The following PRH1 variants were observed in gnomAD, a reference collection of about 807,000 sequenced individuals.
PRH1 encodes the protein proline rich protein HaeIII subfamily 1.
A neutral mutation model predicts 7.9 loss-of-function variants in PRH1; 7 were observed. That is an observed-to-expected ratio of 0.89 (90% confidence interval 0.50 to 1.67). The LOEUF is 1.67. Among genes scored for constraint, PRH1 ranks in the 40% most tolerant of loss-of-function variants. The pLI is 0.00. For synonymous variants in PRH1, 45 were observed against 80.8 expected (o/e 0.56, Z 2.38); for missense variants, 109 against 223.6 (o/e 0.49, Z 3.27).
At chr12:11,044,910 G>C (rs911864203) in intron 1 of PRH1, among the ~76,000 whole-genome samples, 1 of 152,034 alleles carries the variant, frequency 6.6e-6, no homozygotes, top group African/African-American at 2.4e-5. Context: ...TTTCTTAAAA[G>C]ACAAAAATTA....
chr12:10,881,253 A>C (rs1207583268), intron 3 of PRH1, among the ~76,000 whole-genome samples, 197 bp from the exon 4 acceptor site: 1 of 152,184 alleles, frequency 6.6e-6, no homozygotes, highest in Non-Finnish European at 1.5e-5. Context: ...ATGTGATTTA[A>C]AGTGTTGCTT....
intron 1 of PRH1, among the ~76,000 whole-genome samples, chr12:11,068,070 A>G (rs1482687457): frequency 6.6e-6 from 1 of 151,904 alleles, no homozygotes; most frequent in Non-Finnish European, 1.5e-5. Flanking sequence ...TATGGAGCAT[A>G]ATAAAACCTA....
chr12:10,993,632 A>C (rs115986816), intron 1 of PRH1, among the ~76,000 whole-genome samples: 374 of 152,274 alleles, frequency 2.5e-3, no homozygotes, highest in African/African-American at 8.7e-3. Context: ...TGTTGGGCCT[A>C]CTGGGATTTG....
At chr12:10,939,513 A>T (rs549786379) in intron 2 of PRH1, among the ~76,000 whole-genome samples, 25 of 150,554 alleles carry the variant, frequency 1.7e-4, no homozygotes, top group Non-Finnish European at 3.1e-4. Flanking sequence ...ATTTGTAAAC[A>T]TGCAAATAAG....
At chr12:11,021,158 C>A (rs796305387) in intron 1 of PRH1, among the ~76,000 whole-genome samples, 1,543 of 61,162 alleles carry the variant, frequency 0.025, no homozygotes, top group Admixed American at 0.035. Context: ...TATTTGCTTT[C>A]TACTAAGCAT....
At chr12:10,956,160 TA>T (rs150154693) in intron 2 of PRH1, among the ~76,000 whole-genome samples, 2 of 151,270 alleles carry the variant, frequency 1.3e-5, no homozygotes, top group African/African-American at 4.9e-5. Context: ...AACATAGATT[TA>T]AAAAAAACAC....
intron 1 of PRH1, among the ~76,000 whole-genome samples, chr12:11,129,997 C>A (rs74786893): frequency 0.21 from 32,095 of 151,712 alleles, 3,967 homozygotes; most frequent in Non-Finnish European, 0.27. Flanking sequence ...CAAAAAATAC[C>A]AAAATTAGCC....
chr12:10,923,935 T>C (rs1950087141), intron 2 of PRH1, among the ~76,000 whole-genome samples: 1 of 151,850 alleles, frequency 6.6e-6, no homozygotes, highest in South Asian at 2.1e-4. Context: ...CTCTTTTCAC[T>C]CTTTTTTTGC....
At chr12:11,091,115 C>CACACACACACATATATAT (rs751016037) in intron 1 of PRH1, among the ~76,000 whole-genome samples, 1 of 25,104 alleles carries the variant, frequency 4.0e-5, no homozygotes, top group African/African-American at 7.9e-5. Context: ...CACACACACA[C>CACACACACACATATATAT]ATATATATAT....
intron 1 of PRH1, among the ~76,000 whole-genome samples, chr12:11,087,907 C>A (rs1453932342): frequency 1.7e-5 from 2 of 116,282 alleles, no homozygotes; most frequent in East Asian, 4.2e-4. Flanking sequence ...TTAATCTACA[C>A]CCATTATGAG....
chr12:11,062,186 T>C (rs1411234065), intron 1 of PRH1: 1 of 1,613,572 alleles, frequency 6.2e-7, no homozygotes, highest in Admixed American at 1.7e-5. Context: ...TTTTGTCTCT[T>C]GAACCACTCA....
intron 2 of PRH1, among the ~76,000 whole-genome samples, chr12:10,965,520 T>C (rs193042027): frequency 1.0e-3 from 158 of 152,394 alleles, no homozygotes; most frequent in Non-Finnish European, 1.8e-3. Flanking sequence ...TAGCAGTTTA[T>C]GCTAATTGAT....
chr12:11,059,259 G>A (rs549687657), intron 1 of PRH1, among the ~76,000 whole-genome samples: 3 of 151,504 alleles, frequency 2.0e-5, no homozygotes, highest in East Asian at 3.9e-4. Context: ...TCTGATGACC[G>A]TCATGCTGTC....
chr12:11,103,096 C>T (rs1945304008), intron 1 of PRH1, among the ~76,000 whole-genome samples: 1 of 152,154 alleles, frequency 6.6e-6, no homozygotes, highest in Admixed American at 6.5e-5. Flanking sequence ...ACTGGTGAGA[C>T]TGTAAACTAG....
intron 1 of PRH1, among the ~76,000 whole-genome samples, chr12:11,103,200 C>CCT (rs1945308305): frequency 6.6e-6 from 1 of 151,216 alleles, no homozygotes; most frequent in African/African-American, 2.4e-5. Flanking sequence ...GATATATAAA[C>CCT]GAAGGATTAT....
intron 1 of PRH1, among the ~76,000 whole-genome samples, chr12:11,150,020 G>T (rs1947013147): frequency 8.2e-6 from 1 of 121,734 alleles, no homozygotes. Flanking sequence ...GACATGAACA[G>T]ACACTTCTCA....
chr12:10,937,057 T>C lies in PRH1; in HGVS notation c.-59+36598A>G, dbSNP rs987797379. On this transcript the variant is annotated intron_variant, in intron 2 of 3. Coordinates refer to the PRH1 transcript ENST00000539853. ...TTACATTCCTTAGCCCTTGAAAAAA[T>C]GAATCAACTGTCTTCTGGCATACAG... Among the ~76,000 whole-genome samples the C allele has an allele frequency of 8.5e-5, 13 of 152,068 alleles. No individual in the cohort carries two copies. The East Asian group carries it at 2.5e-3, about 29-fold the overall frequency.
At chr12:11,167,258 T>C (rs1475285140) in intron 1 of PRH1, among the ~76,000 whole-genome samples, 3 of 152,176 alleles carry the variant, frequency 2.0e-5, no homozygotes, top group Non-Finnish European at 2.9e-5. Flanking sequence ...AAGCTGGCAA[T>C]TACAGACCAC....
At chr12:11,128,789 AGTTTT>A (rs1946225931) in intron 1 of PRH1, among the ~76,000 whole-genome samples, 1 of 151,948 alleles carries the variant, frequency 6.6e-6, no homozygotes, top group Admixed American at 6.6e-5. Context: ...TTCATTGGTT[AGTTTT>A]GTTAGGAGTT....
Sources: allele counts gnomAD v4.1 joint callset (sites outside exome capture counted in the v4.1 genomes callset), GRCh38; gene constraint gnomAD v4.1.1; transcripts MANE v1.5; gene names NCBI Gene and HGNC (gene_info 2026-07-23, HGNC 2026-07-21).